The following GAREM1 variants were observed in gnomAD, a reference collection of about 807,000 sequenced individuals.
GAREM1 encodes GRB2-associated and regulator of MAPK protein 1.
In GAREM1, 26 loss-of-function variants were observed where a neutral mutation model predicts 71.3. The ratio of observed to expected loss-of-function variants is 0.36; its 90% CI spans 0.27 to 0.51. The LOEUF (loss-of-function observed/expected upper bound fraction) is 0.51. Among genes scored for constraint, GAREM1 ranks in the 20% least tolerant of loss-of-function variants. The pLI is 0.95. For missense variants in GAREM1, 1,026 were observed against 1,103.1 expected (o/e 0.93, Z 0.99); for synonymous variants, 440 against 433.2 (o/e 1.02, Z -0.20).
chr18:32,432,959 T>C (rs1201311437), intron 1 of GAREM1, among the ~76,000 whole-genome samples: 1 of 152,064 alleles, frequency 6.6e-6, no homozygotes, highest in Non-Finnish European at 1.5e-5. Flanking sequence ...AGCATTACCA[T>C]GTTACCAAAA....
At chr18:32,308,201 C>CCAGGGAGGCGAAGCTTGCAG (rs1463656143) in intron 3 of GAREM1, among the ~76,000 whole-genome samples, 1 of 139,094 alleles carries the variant, frequency 7.2e-6, no homozygotes, top group Admixed American at 7.0e-5. Context: ...AGCCTTTGAA[C>CCAGGGAGGCGAAGCTTGCAG]TCTTAAATGA....
chr18:32,371,667 A>G (rs1036544581), intron 2 of GAREM1, among the ~76,000 whole-genome samples: 1 of 152,060 alleles, frequency 6.6e-6, no homozygotes, highest in Non-Finnish European at 1.5e-5. Context: ...ACACTCCTAC[A>G]GACATATCCC....
At position 32,270,223 on chromosome 18, in the gene GAREM1, T is replaced by G; in HGVS notation, c.1727A>C (p.His576Pro). 6.2e-7 allele frequency: 1 copy of G among 1,613,880 alleles called. No individual in the cohort carries two copies. The highest frequency in any genetic ancestry group is 1.6e-4 in the Middle Eastern group (1 of 6,062). Residue 576 changes from histidine to proline, a missense_variant, in exon 5 of 6, where the codon CAC becomes CCC. Around this residue, in one of 3 missense-constraint regions of GAREM1, gnomAD observed 636 missense variants for 631.2 expected, o/e 1.01. Coordinates refer to ENST00000269209, the MANE Select transcript of GAREM1 (RefSeq NM_001242409.2). ...ACCTGGCAGGAAGACTTACATGTTG[T>G]GTAGCCCTGAAGAATAGTAGGACAA... ...PTLSYYSSGL[H>P]NISVTKTDTN...
At chr18:32,335,032 C>A (rs1598969331) in intron 2 of GAREM1, among the ~76,000 whole-genome samples, 1 of 152,190 alleles carries the variant, frequency 6.6e-6, no homozygotes, top group African/African-American at 2.4e-5. Flanking sequence ...CACCTTCCCC[C>A]ACTGCCAATT....
At chr18:32,274,506 C>T (rs117645595) in intron 4 of GAREM1, among the ~76,000 whole-genome samples, 1,593 of 152,262 alleles carry the variant, frequency 0.01, 4 homozygotes, top group Non-Finnish European at 0.017. Flanking sequence ...TCATGTTACT[C>T]GCTGTCTCCG....
At chr18:32,406,139 T>C (rs1213841339) in intron 1 of GAREM1, among the ~76,000 whole-genome samples, 3 of 152,218 alleles carry the variant, frequency 2.0e-5, no homozygotes, top group Admixed American at 2.0e-4. Context: ...CATTTGATTC[T>C]ATAAACTGAG....
At chr18:32,449,774 C>CA (rs2048817495) in intron 1 of GAREM1, among the ~76,000 whole-genome samples, 3 of 152,186 alleles carry the variant, frequency 2.0e-5, no homozygotes, top group African/African-American at 4.8e-5. Flanking sequence ...TCTAATTCTT[C>CA]AAAATTTCCT....
intron 2 of GAREM1, among the ~76,000 whole-genome samples, chr18:32,325,222 G>T (rs549278506): frequency 6.6e-6 from 1 of 152,310 alleles, no homozygotes; most frequent in Admixed American, 6.5e-5. Context: ...CTCCCAAAGT[G>T]CTGGGATTAC....
chr18:32,398,318 A>G (rs11504783), intron 1 of GAREM1, among the ~76,000 whole-genome samples: 13,278 of 152,052 alleles, frequency 0.087, 656 homozygotes, highest in African/African-American at 0.13. Flanking sequence ...TAAGATCAGA[A>G]CAGAACTGAA....
At chr18:32,284,788 C>T (rs1208590808) in intron 4 of GAREM1, among the ~76,000 whole-genome samples, 2 of 146,304 alleles carry the variant, frequency 1.4e-5, no homozygotes, top group East Asian at 2.0e-4. Flanking sequence ...CTCGCTCTGT[C>T]GCCCAGGCTG....
intron 3 of GAREM1, among the ~76,000 whole-genome samples, chr18:32,302,454 A>T (rs2047210480): frequency 6.6e-6 from 1 of 152,172 alleles, no homozygotes; most frequent in Non-Finnish European, 1.5e-5. Context: ...AATTTCTCTG[A>T]AACTTATATG....
intron 1 of GAREM1, among the ~76,000 whole-genome samples, chr18:32,406,470 G>C (rs916762625): frequency 1.3e-5 from 2 of 152,182 alleles, no homozygotes; most frequent in African/African-American, 4.8e-5. Flanking sequence ...CAAATGACAT[G>C]ATGAGTAAAG....
chr18:32,396,614 T>C (rs2048259259), intron 1 of GAREM1, among the ~76,000 whole-genome samples: 1 of 151,566 alleles, frequency 6.6e-6, no homozygotes. Flanking sequence ...GAAAAAAGAG[T>C]AAAAAGAAAC....
intron 2 of GAREM1, among the ~76,000 whole-genome samples, chr18:32,314,324 T>G (rs898777926): frequency 1.3e-5 from 2 of 152,164 alleles, no homozygotes; most frequent in Non-Finnish European, 2.9e-5. Context: ...GTTTTTCCAT[T>G]CTTACATGAT....
intron 4 of GAREM1, among the ~76,000 whole-genome samples, chr18:32,276,420 A>C (rs1317513492): frequency 2.0e-5 from 3 of 152,190 alleles, no homozygotes; most frequent in Non-Finnish European, 2.9e-5. Flanking sequence ...GTTAGTGTTG[A>C]GTATACAACA....
chr18:32,392,688 T>C (rs1218835929), intron 2 of GAREM1, among the ~76,000 whole-genome samples: 1 of 152,224 alleles, frequency 6.6e-6, no homozygotes, highest in Non-Finnish European at 1.5e-5. Context: ...AAATACCTAA[T>C]AAGAATCCTC....
intron 1 of GAREM1, among the ~76,000 whole-genome samples, chr18:32,460,729 G>A (rs912407870): frequency 2.0e-5 from 3 of 152,202 alleles, no homozygotes; most frequent in African/African-American, 7.2e-5. Flanking sequence ...GCCCAGAGAT[G>A]AGAGGATGGA....
At chr18:32,382,211 T>C (rs1211181859) in intron 2 of GAREM1, among the ~76,000 whole-genome samples, 3 of 152,090 alleles carry the variant, frequency 2.0e-5, no homozygotes, top group Non-Finnish European at 4.4e-5. Flanking sequence ...GAGCCTTTAG[T>C]GGTGGGAAGA....
intron 2 of GAREM1, among the ~76,000 whole-genome samples, chr18:32,331,139 T>C (rs1567967247): frequency 1.3e-5 from 2 of 152,220 alleles, no homozygotes; most frequent in Non-Finnish European, 2.9e-5. Flanking sequence ...ATTATTCCTT[T>C]GGTGGGTAGC....
Sources: gnomAD v4.1 joint callset for allele counts (sites outside exome capture counted in the v4.1 genomes callset) on GRCh38, gnomAD v4.1.1 for gene constraint, gnomAD v4.1.1 regional missense constraint, MANE v1.5 for transcripts, NCBI Gene and HGNC (gene_info 2026-07-23, HGNC 2026-07-21) for gene names.